The following FSTL1 variants were observed in gnomAD, a reference collection of about 807,000 sequenced individuals.
FSTL1 encodes the protein follistatin like 1.
A neutral mutation model predicts 45.9 loss-of-function variants in FSTL1; 24 were observed. That is an observed-to-expected ratio of 0.52 (90% CI 0.38 to 0.74). The LOEUF (loss-of-function observed/expected upper bound fraction) is 0.74. Ranked by LOEUF, FSTL1 falls within the 30% of genes least tolerant of loss-of-function variation. The pLI, the probability that FSTL1 is intolerant of heterozygous loss-of-function variation, is 0.00. For missense variants in FSTL1, 340 were observed against 381.8 expected (o/e 0.89, Z 0.91); for synonymous variants, 120 against 137.6 (o/e 0.87, Z 0.89).
intron 1 of FSTL1, 37 bp from the exon 2 acceptor site, chr3:120,450,783 G>C: frequency 6.7e-7 from 1 of 1,501,456 alleles, no homozygotes; most frequent in Non-Finnish European, 8.9e-7. Flanking sequence ...TGAAGGCGCC[G>C]GGCCCCGCGC....
rs749297340 is a variant in FSTL1 at position 120,442,788 on chromosome 3, GAAAAA to G, written c.63+7891_63+7895del. Among the ~76,000 whole-genome samples the G allele has an allele frequency of 1.0e-3, 54 of 53,264 alleles. 2 individuals carry two copies. The highest frequency in any genetic ancestry group is 3.9e-3 in the African/African-American group (51 of 13,064). 34.9% of individuals were successfully genotyped at this position (53,264 alleles called of 152,430 possible). A position where few individuals can be genotyped will look rare whatever the true frequency, so the allele number is the denominator to read the frequency against. ...ACAGAGCGGACTCCATCTCAAAAAA[GAAAAA>G]AAAAAAAAAAAAAAAAAGCAGACTT... On this transcript the variant is annotated intron_variant, in intron 2 of 10. Transcript: ENST00000295633.
At chr3:120,448,628 C>T (rs1937811617) in intron 2 of FSTL1, among the ~76,000 whole-genome samples, 1 of 152,184 alleles carries the variant, frequency 6.6e-6, no homozygotes, top group African/African-American at 2.4e-5. Context: ...AGTTCACAGC[C>T]TCTTTTCTCC....
intron 3 of FSTL1, among the ~76,000 whole-genome samples, chr3:120,412,424 T>G (rs111611276): frequency 2.0e-5 from 3 of 152,342 alleles, no homozygotes; most frequent in African/African-American, 7.2e-5. Context: ...CCCTTCTGCC[T>G]TCTGCCATGT....
chr3:120,430,365 T>C (rs1937456506), intron 2 of FSTL1, among the ~76,000 whole-genome samples: 1 of 152,196 alleles, frequency 6.6e-6, no homozygotes, highest in Admixed American at 6.5e-5. Flanking sequence ...ATTGCACCTA[T>C]TACTCAGACA....
At chr3:120,403,391 C>A (rs1326950060) in intron 7 of FSTL1, 37 bp from the exon 8 acceptor site, 3 of 1,200,696 alleles carry the variant, frequency 2.5e-6, no homozygotes, top group Non-Finnish European at 1.2e-6. Flanking sequence ...TTAGCAAGAC[C>A]TCAGCTTCGC....
intron 2 of FSTL1, among the ~76,000 whole-genome samples, chr3:120,449,081 C>T (rs764069398): frequency 3.3e-5 from 5 of 152,148 alleles, no homozygotes; most frequent in African/African-American, 7.2e-5. Flanking sequence ...AAGGGGGATA[C>T]GCTCTCAAAT....
Position 120,442,573 on chromosome 3 carries a change from A to C in FSTL1, c.63+8111T>G, listed in dbSNP as rs950562135. On this transcript the variant is annotated intron_variant, in intron 2 of 10. Coordinates refer to ENST00000295633, the MANE Select transcript of FSTL1 (RefSeq NM_007085.5). ...GGCGGGTGGATCACTTGAGGGTGGG[A>C]GTTCCAGACCAGCCTGGCCAACTAG... 2.0e-5 allele frequency among the ~76,000 whole-genome samples: 3 copies of C among 152,146 alleles called. 1 individual carries two copies. Among genetic ancestry groups the C allele is most frequent in the East Asian group, 3.9e-4 (2 of 5,156 alleles).
intron 2 of FSTL1, among the ~76,000 whole-genome samples, chr3:120,429,702 G>A (rs1937444061): frequency 6.6e-6 from 1 of 152,170 alleles, no homozygotes; most frequent in Non-Finnish European, 1.5e-5. Flanking sequence ...GCCTTTTGTA[G>A]CCTTAATCTC....
intron 3 of FSTL1, among the ~76,000 whole-genome samples, chr3:120,413,788 T>TCTCC (rs1553703078): frequency 1.1e-3 from 1 of 934 alleles, no homozygotes. Context: ...TCCCTCTCCC[T>TCTCC]CTCCCCCTCC....
rs1560008519 is a variant in FSTL1, at chr3:120,395,194, C to G, written c.*1758G>C. The G allele has an allele frequency of 6.5e-6, 1 of 154,270 alleles. No homozygotes were observed. The highest frequency in any genetic ancestry group is 2.4e-5 in the African/African-American group (1 of 41,476). The allele number at this position is 154,270 out of a possible 1,614,324, so 9.6% of individuals were successfully genotyped here. On this transcript the variant is annotated 3_prime_UTR_variant, in exon 11 of 11. Coordinates refer to ENST00000295633, the MANE Select transcript of FSTL1 (RefSeq NM_007085.5). ...AATTCTATTTTTGGCACAACAGTTT[C>G]TCACAGTTGCCTGTGCATTACAACC...
intron 2 of FSTL1, chr3:120,441,189 G>A (rs920138392): frequency 6.6e-6 from 1 of 152,200 alleles, no homozygotes; most frequent in Admixed American, 6.5e-5. Context: ...TTTATTGCCT[G>A]GTAACAGGCC....
intron 2 of FSTL1, among the ~76,000 whole-genome samples, chr3:120,422,360 G>T (rs1033499836): frequency 6.6e-6 from 1 of 152,156 alleles, no homozygotes; most frequent in Non-Finnish European, 1.5e-5. Context: ...ACACAAAATG[G>T]TAACTATGTA....
At chr3:120,446,091 C>A (rs999938799) in intron 2 of FSTL1, among the ~76,000 whole-genome samples, 1 of 138,490 alleles carries the variant, frequency 7.2e-6, no homozygotes, top group Non-Finnish European at 1.5e-5. Context: ...AAATTTATGT[C>A]TGTTAGAAAC....
At chr3:120,448,828 G>C (rs993316531) in intron 2 of FSTL1, among the ~76,000 whole-genome samples, 3 of 152,168 alleles carry the variant, frequency 2.0e-5, no homozygotes, top group African/African-American at 7.2e-5. Context: ...GTGTCTTGCA[G>C]GCCGCCTAGA....
At chr3:120,444,414 T>C (rs1478364632) in intron 2 of FSTL1, among the ~76,000 whole-genome samples, 1 of 149,604 alleles carries the variant, frequency 6.7e-6, no homozygotes, top group Non-Finnish European at 1.5e-5. Context: ...AATTCTATGA[T>C]TGATTAGAAA....
At chr3:120,399,336 T>A (rs1676819008) in intron 10 of FSTL1, among the ~76,000 whole-genome samples, 1 of 152,220 alleles carries the variant, frequency 6.6e-6, no homozygotes, top group African/African-American at 2.4e-5. Context: ...ATTATCTTCT[T>A]GAGTCTCTGG....
At chr3:120,405,527 C>T (rs182409348) in intron 6 of FSTL1, among the ~76,000 whole-genome samples, 2 of 152,316 alleles carry the variant, frequency 1.3e-5, no homozygotes, top group East Asian at 1.9e-4. Flanking sequence ...CACTTTGGTG[C>T]CCGTAACTGA....
intron 2 of FSTL1, among the ~76,000 whole-genome samples, chr3:120,438,703 C>T (rs1937596294): frequency 6.6e-6 from 1 of 152,168 alleles, no homozygotes; most frequent in African/African-American, 2.4e-5. Flanking sequence ...CTCTAACCCC[C>T]ATATTTGGCA....
intron 3 of FSTL1, among the ~76,000 whole-genome samples, chr3:120,415,151 A>C (rs1037887220): frequency 1.3e-5 from 2 of 151,322 alleles, no homozygotes; most frequent in Admixed American, 6.6e-5. Context: ...AAAAAAAAAA[A>C]CCCTGCATCT....
Sources: allele counts gnomAD v4.1 joint callset (sites outside exome capture counted in the v4.1 genomes callset), GRCh38; gene constraint gnomAD v4.1.1; transcripts MANE v1.5; gene names NCBI Gene and HGNC (gene_info 2026-07-23, HGNC 2026-07-21).